CELSR3: variants seen among roughly 807,000 people sequenced by gnomAD.
CELSR3 encodes EGF-like protein 1.
CELSR3 carries 73 observed loss-of-function variants against 270.0 expected under a neutral mutation model. The observed-to-expected ratio is 0.27, with a 90% CI of 0.22 to 0.33. CELSR3 has a LOEUF of 0.33. Among genes scored for constraint, CELSR3 ranks in the 10% least tolerant of loss-of-function variants. The pLI, the probability that CELSR3 is intolerant of heterozygous loss-of-function variation, is 1.00. For missense variants in CELSR3, 3,614 were observed against 4,533.8 expected, an observed-to-expected ratio of 0.80 and a Z score of 5.83; for synonymous variants, 1,780 against 1,905.4, an observed-to-expected ratio of 0.93 and a Z score of 1.71.
In CELSR3 at chr3:48,661,126, G is replaced by A; in HGVS notation, c.1509C>T (p.Arg503=). ...GLISTSGRVD[R]EHMESYELVV... is the part of the protein sequence containing the mutation. ...CCAGCTCATAGCTTTCCATGTGCTC[G>A]CGGTCCACTCGGCCGCTGGTGCTGA... Residue 503 remains arginine (R), a synonymous_variant, in exon 1 of 35, where the codon CGC becomes CGT. Coordinates refer to ENST00000164024, the MANE Select transcript of CELSR3 (RefSeq NM_001407.3). 3 of 1,610,638 alleles carry A rather than the reference G, an allele frequency of 1.9e-6. No individual in the cohort carries two copies. The highest frequency in any genetic ancestry group is 2.5e-6 in the Non-Finnish European group (3 of 1,178,762).
rs997905571 is a variant in CELSR3, at chr3:48,639,283, G to T, written c.9911+391C>A. ...CTTCCAGCCTCTCCTTGTCCTATAT[G>T]ACCCCCTAGGCGAACCTTCCCAAGC... On this transcript the variant is annotated intron_variant, in intron 34 of 34. Coordinates refer to ENST00000164024, the MANE Select transcript of CELSR3 (RefSeq NM_001407.3). The surrounding 1 kb of genome is among the most constrained non-coding windows in gnomAD (Gnocchi z 4.1). Among the ~76,000 whole-genome samples, 4 of 152,100 alleles carry T rather than the reference G, an allele frequency of 2.6e-5. No homozygotes were observed. Among genetic ancestry groups the T allele is most frequent in the Non-Finnish European group, 5.9e-5 (4 of 68,012 alleles).
chr3:48,649,795 A>G lies in CELSR3; in HGVS notation c.6473-580T>C, dbSNP rs139597867. On this transcript the variant is annotated intron_variant, in intron 16 of 34. Coordinates refer to ENST00000164024, the MANE Select transcript of CELSR3 (RefSeq NM_001407.3). Reference sequence around the variant, plus strand: ...TGTAGCTACCAACAAGAGAGAGCCTAACTTAATCACAGAATCCCCTCCCCG... The same window carrying G: ...TGTAGCTACCAACAAGAGAGAGCCTGACTTAATCACAGAATCCCCTCCCCG... Among the ~76,000 whole-genome samples the G allele has an allele frequency of 6.6e-5, 10 of 152,280 alleles. No individual in the cohort carries two copies. The East Asian group carries it at 1.9e-3, about 29-fold the overall frequency.
In CELSR3 at chr3:48,641,559, G is replaced by T. The variant is rs2047026809; in HGVS notation, c.8825-35C>A. 6.7e-7 allele frequency: 1 copy of T among 1,497,918 alleles called. No homozygotes were observed. The highest frequency in any genetic ancestry group is 9.3e-7 in the Non-Finnish European group (1 of 1,079,206). The allele number at this position is 1,497,918 out of a possible 1,614,324, so 92.8% of individuals were successfully genotyped here. A position where few individuals can be genotyped will look rare whatever the true frequency, so the allele number is the denominator to read the frequency against. On this transcript the variant is annotated intron_variant, in intron 32 of 34. Transcript: ENST00000164024. This position sits in a 1 kb window ranked among gnomAD's most constrained non-coding sequence, Gnocchi z 4.8. ...CAGGTCAGGTTACAGGAGCTTCTGG[G>T]TTGATCCCAGTGACTCATGACCCCT... is the stretch of plus-strand genomic sequence containing the variant.
Position 48,646,796 on chromosome 3 carries a change from G to A in CELSR3, c.7262C>T (p.Pro2421Leu), listed in dbSNP as rs148224348. Residue 2421 changes from proline to leucine, a missense_variant, in exon 21 of 35, where the codon CCT becomes CTT. Transcript: ENST00000164024. This position sits in a 1 kb window ranked among gnomAD's most constrained non-coding sequence, Gnocchi z 4.8. Reference protein sequence around the residue: ...LVYRTLGGLLPAQFQAERRGA... With the variant: ...LVYRTLGGLLLAQFQAERRGA... ...TCGGCGTTCTGCCTGGAACTGGGCA[G>A]GGAGCAGTCCCCCTAAGGTGCGGTA... The A allele has an allele frequency of 1.1e-5, 17 of 1,610,566 alleles. No individual in the cohort carries two copies. In the East Asian group the frequency reaches 3.8e-4, roughly 36 times the overall value.
chr3:48,653,681 G>A lies in CELSR3; in HGVS notation c.5386C>T (p.Arg1796Trp), dbSNP rs773305050. The A allele has an allele frequency of 1.2e-5, 20 of 1,614,050 alleles. No individual in the cohort carries two copies. Among genetic ancestry groups the A allele is most frequent in the African/African-American group, 6.7e-5 (5 of 74,924 alleles). The change falls in exon 9 of 35, where the codon CGG (arginine) becomes TGG (tryptophan). Residue 1796 changes from arginine (R) to tryptophan (W), a missense_variant. By Grantham distance (101) the Arg-to-Trp change is moderately radical. Transcript: ENST00000164024. The surrounding 1 kb of genome is among the most constrained non-coding windows in gnomAD (Gnocchi z 6.5). ...TGCATCAGGACCCCCTGCGTTGCCC[G>A]TGTCCGAAATGCCAGCCCCAGGTAC... is the stretch of plus-strand genomic sequence containing the variant. ...PWYLGLAFRTRATQGVLMQVQ... is the reference protein window; with the variant it reads ...PWYLGLAFRTWATQGVLMQVQ...
At chr3:48,656,645 G>GCCCCCAGCCTTGGCCCGTGCTT in intron 2 of CELSR3, 53 bp downstream of exon 2, 3 of 1,441,520 alleles carry the variant, frequency 2.1e-6, no homozygotes, top group East Asian at 4.9e-5. Flanking sequence ...TTGTGGTCCC[G>GCCCCCAGCCTTGGCCCGTGCTT]CCCCCAGCCT....
rs922842754 is a variant in CELSR3 at position 48,651,487 on chromosome 3, T to C, written c.6066-8A>G. 6.2e-7 allele frequency: 1 copy of C among 1,613,388 alleles called. No individual in the cohort carries two copies. Among genetic ancestry groups the C allele is most frequent in the East Asian group, 2.2e-5 (1 of 44,850 alleles). ...GGGCACTGCTGGTCCATCCTGGGGG[T>C]GCAGAGCCAGGTAAGATGCCTCCAC... On this transcript the variant is annotated splice_region_variant and splice_polypyrimidine_tract_variant and intron_variant, in intron 13 of 34. Coordinates refer to ENST00000164024, the MANE Select transcript of CELSR3 (RefSeq NM_001407.3). This position sits in a 1 kb window ranked among gnomAD's most constrained non-coding sequence, Gnocchi z 7.4.
Position 48,642,931 on chromosome 3 carries a change from A to G in CELSR3, c.8406+36T>C, listed in dbSNP as rs765745194. The G allele has an allele frequency of 8.1e-6, 13 of 1,610,552 alleles. No individual in the cohort carries two copies. The highest frequency in any genetic ancestry group is 1.7e-4 in the Middle Eastern group (1 of 6,046). ...TGTGAGCTAACCCTGAAGCAGCCTA[A>G]AACTCTGGCTTCTCAGGGCCCCCAT... On this transcript the variant is annotated intron_variant, in intron 29 of 34. Coordinates refer to ENST00000164024, the MANE Select transcript of CELSR3 (RefSeq NM_001407.3). This position sits in a 1 kb window ranked among gnomAD's most constrained non-coding sequence, Gnocchi z 6.1.
intron 17 of CELSR3, 46 bp from the exon 18 acceptor site, chr3:48,648,974 C>T (rs765470022): frequency 1.3e-6 from 2 of 1,597,878 alleles, no homozygotes; most frequent in South Asian, 1.1e-5. Flanking sequence ...TTAGGCCTTC[C>T]TCTAAAGCTT....
In CELSR3 at chr3:48,645,220, G is replaced by T; in HGVS notation, c.7798-11C>A. The T allele has an allele frequency of 1.3e-6, 2 of 1,563,854 alleles. No individual in the cohort carries two copies. The highest frequency in any genetic ancestry group is 1.7e-6 in the Non-Finnish European group (2 of 1,148,510). ...TGCAGTGCACACCAGCTGAGGGCAG[G>T]GGGGCGTGTCAGGACCTCTCCTGCC... On this transcript the variant is annotated splice_polypyrimidine_tract_variant and intron_variant, in intron 24 of 34. Transcript: ENST00000164024. The surrounding 1 kb of genome is among the most constrained non-coding windows in gnomAD (Gnocchi z 5.4).
At chr3:48,648,684 G>A (rs1184872107) in intron 18 of CELSR3, 35 bp downstream of exon 18, 3 of 1,593,732 alleles carry the variant, frequency 1.9e-6, no homozygotes, top group Admixed American at 1.7e-5. Flanking sequence ...GGAGCTGGGG[G>A]GCCAAGGCAC....
chr3:48,639,562 C>T lies in CELSR3; in HGVS notation c.9911+112G>A. On this transcript the variant is annotated intron_variant, in intron 34 of 34. Coordinates refer to ENST00000164024, the MANE Select transcript of CELSR3 (RefSeq NM_001407.3). This position sits in a 1 kb window ranked among gnomAD's most constrained non-coding sequence, Gnocchi z 4.1. ...CTGGCTGTGCTGAGCCTGGGGTAGC[C>T]CACACCTGTCTGCCAGCCCTCATCC... The T allele has an allele frequency of 3.5e-6, 5 of 1,439,612 alleles. 1 individual carries two copies. The South Asian group carries it at 5.2e-5, about 15-fold the overall frequency. The allele number at this position is 1,439,612 out of a possible 1,614,324, so 89.2% of individuals were successfully genotyped here. A position where few individuals can be genotyped will look rare whatever the true frequency, so the allele number is the denominator to read the frequency against.
At position 48,648,997 on chromosome 3, in the gene CELSR3, G is replaced by A. The variant is rs1047546436; in HGVS notation, c.6568-69C>T. 1.8e-5 allele frequency: 28 copies of A among 1,572,758 alleles called. No individual in the cohort carries two copies. The Admixed American group carries it at 4.6e-4, about 26-fold the overall frequency. On this transcript the variant is annotated intron_variant, in intron 17 of 34. Transcript: ENST00000164024. ...TCCTCTAAAGCTTCACAGGGAGAAA[G>A]CCTTGCCAGATTAAAGGGCAACCAG...
Position 48,650,770 on chromosome 3 carries a change from G to T in CELSR3, c.6370+122C>A. 2 of 1,183,528 alleles carry T rather than the reference G, an allele frequency of 1.7e-6. No homozygotes were observed. The highest frequency in any genetic ancestry group is 2.4e-6 in the Non-Finnish European group (2 of 845,512). 73.3% of individuals were successfully genotyped at this position (1,183,528 alleles called of 1,614,324 possible). ...GGGGCAAAGGTAGGGTTCCCTGGGT[G>T]TAAGTGGTCTCCCTCAGGAGAAGCT... On this transcript the variant is annotated intron_variant, in intron 15 of 34. Coordinates refer to ENST00000164024, the MANE Select transcript of CELSR3 (RefSeq NM_001407.3). This position sits in a 1 kb window ranked among gnomAD's most constrained non-coding sequence, Gnocchi z 5.1.
At position 48,648,328 on chromosome 3, in the gene CELSR3, G is replaced by A. The variant is rs773457992; in HGVS notation, c.6911C>T (p.Thr2304Ile). 2 of 1,612,032 alleles carry A rather than the reference G, an allele frequency of 1.2e-6. No individual in the cohort carries two copies. The highest frequency in any genetic ancestry group is 4.5e-5 in the East Asian group (2 of 44,842). Residue 2304 changes from threonine (T) to isoleucine (I), a missense_variant, in exon 19 of 35, where the codon ACA (threonine) becomes ATA (isoleucine). By Grantham distance (89) the Thr-to-Ile change is moderately conservative. Coordinates refer to ENST00000164024, the MANE Select transcript of CELSR3 (RefSeq NM_001407.3). ...TGTGAGTTCCATATTCCTTGCGAGT[G>A]TGGCTGCATACTCCTCCAGGTGCCT... is the stretch of plus-strand genomic sequence containing the variant. Reference protein sequence around the residue: ...LVRHLEEYAATLARNMELTYL... With the variant: ...LVRHLEEYAAILARNMELTYL...
rs2077038825 is a variant in CELSR3, at chr3:48,658,250, C to A, written c.3748+637G>T. Among the ~76,000 whole-genome samples the A allele has an allele frequency of 6.6e-6, 1 of 152,182 alleles. No homozygotes were observed. Among genetic ancestry groups the A allele is most frequent in the East Asian group, 1.9e-4 (1 of 5,198 alleles). ...AGCACCAGTGAAGCCTATTTCCCAA[C>A]CTCTGCAGCCTCCAGTAGGCAGAAC... is the stretch of plus-strand genomic sequence containing the variant. On this transcript the variant is annotated intron_variant, in intron 1 of 34. Transcript: ENST00000164024. This position sits in a 1 kb window ranked among gnomAD's most constrained non-coding sequence, Gnocchi z 4.7.
At position 48,645,159 on chromosome 3, in the gene CELSR3, G is replaced by T. The variant is rs2106702818; in HGVS notation, c.7848C>A (p.Thr2616=). The change falls in exon 25 of 35, where the codon ACC becomes ACA. Residue 2616 remains threonine (T), a synonymous_variant. Coordinates refer to ENST00000164024, the MANE Select transcript of CELSR3 (RefSeq NM_001407.3). This position sits in a 1 kb window ranked among gnomAD's most constrained non-coding sequence, Gnocchi z 5.4. ...AILLHYFFLS[T]FAWLFVQGLH... Reference sequence around the variant, plus strand: ...GCCCCTGCACGAAGAGCCACGCGAAGGTGCTGAGGAAGAAGTAGTGCAGGA... The same window carrying T: ...GCCCCTGCACGAAGAGCCACGCGAATGTGCTGAGGAAGAAGTAGTGCAGGA... 6.3e-7 allele frequency: 1 copy of T among 1,595,676 alleles called. No homozygotes were observed. Among genetic ancestry groups the T allele is most frequent in the South Asian group, 1.1e-5 (1 of 90,368 alleles).
chr3:48,655,381 G>C lies in CELSR3; in HGVS notation c.4755C>G (p.Thr1585=). The C allele has an allele frequency of 1.2e-6, 2 of 1,614,084 alleles. No homozygotes were observed. Among genetic ancestry groups the C allele is most frequent in the African/African-American group, 1.3e-5 (1 of 75,014 alleles). ...CCCCTGGAACTGTGGGGCTGACCAC[G>C]GTGTTGGATTCACCTGGAGGGGAGA... is the stretch of plus-strand genomic sequence containing the variant. ...RLTYSTGESN[T]VVSPTVPGGL... Residue 1585 remains threonine, a synonymous_variant, in exon 5 of 35, where the codon ACC becomes ACG. Coordinates refer to ENST00000164024, the MANE Select transcript of CELSR3 (RefSeq NM_001407.3). The surrounding 1 kb of genome is among the most constrained non-coding windows in gnomAD (Gnocchi z 5.8).
rs770332399 is a variant in CELSR3, at chr3:48,660,072, G to A, written c.2563C>T (p.Arg855Trp). ...HINITDANTH[R>W]PVFQSAHYSV... The stretch of plus-strand genomic sequence containing the variant: ...TAGTGGGCACTTTGAAAGACCGGCC[G>A]ATGAGTGTTGGCATCTGTGATGTTG... Residue 855 changes from arginine (R) to tryptophan (W), a missense_variant, in exon 1 of 35, where the codon CGG becomes TGG. Arg to Trp is a moderately radical substitution (Grantham distance 101, BLOSUM62 -3). This residue lies in a region of CELSR3 where 215 missense variants were observed against 241.2 expected (regional missense o/e 0.89). Transcript: ENST00000164024. The surrounding 1 kb of genome is among the most constrained non-coding windows in gnomAD (Gnocchi z 5.5). The A allele has an allele frequency of 7.4e-6, 12 of 1,614,190 alleles. No individual in the cohort carries two copies. Among genetic ancestry groups the A allele is most frequent in the South Asian group, 3.3e-5 (3 of 91,086 alleles).
Sources: allele counts gnomAD v4.1 joint callset (sites outside exome capture counted in the v4.1 genomes callset), GRCh38; gene constraint gnomAD v4.1.1; regional missense constraint gnomAD v4.1.1; non-coding constraint Gnocchi (gnomAD v3.1); transcripts MANE v1.5; gene names NCBI Gene and HGNC (gene_info 2026-07-23, HGNC 2026-07-21).